TLK2: variants seen among roughly 807,000 people sequenced by gnomAD.
TLK2 encodes serine/threonine-protein kinase tousled-like 2.
Under a neutral mutation model 117.3 loss-of-function variants are expected in TLK2, and 6 were observed. That is an observed-to-expected ratio of 0.05 (90% CI 0.03 to 0.10). The LOEUF (loss-of-function observed/expected upper bound fraction) is 0.10, where lower values mean the gene tolerates loss of function less well. Among genes scored for constraint, TLK2 ranks in the 10% least tolerant of loss-of-function variants. The pLI is 1.00. For synonymous variants in TLK2, 257 were observed against 316.7 expected, an observed-to-expected ratio of 0.81 and a Z score of 2.00; for missense variants, 299 against 901.2, an observed-to-expected ratio of 0.33 and a Z score of 8.56.
intron 8 of TLK2, among the ~76,000 whole-genome samples, chr17:62,553,156 A>T (rs575653124): frequency 6.6e-6 from 1 of 152,276 alleles, no homozygotes; most frequent in African/African-American, 2.4e-5. Flanking sequence ...AGAATTTCTT[A>T]AATCTCAAGA....
chr17:62,591,722 T>C (rs2082096921), intron 16 of TLK2, among the ~76,000 whole-genome samples: 1 of 152,228 alleles, frequency 6.6e-6, no homozygotes, highest in Admixed American at 6.5e-5. Flanking sequence ...TATTTCTCCC[T>C]TTCCCCACTT....
chr17:62,580,745 A>C (rs1011256520), intron 15 of TLK2, among the ~76,000 whole-genome samples: 1 of 152,210 alleles, frequency 6.6e-6, no homozygotes, highest in African/African-American at 2.4e-5. Context: ...AATATGTTTT[A>C]AATATAGCTA....
At chr17:62,510,158 A>G (rs568120716) in intron 2 of TLK2, among the ~76,000 whole-genome samples, 12 of 152,268 alleles carry the variant, frequency 7.9e-5, no homozygotes, top group African/African-American at 2.9e-4. Flanking sequence ...CTGTAATGCC[A>G]ACTACTTGGG....
chr17:62,588,104 T>C (rs1283864588), intron 16 of TLK2, among the ~76,000 whole-genome samples: 3 of 148,158 alleles, frequency 2.0e-5, no homozygotes, highest in Non-Finnish European at 3.0e-5. Flanking sequence ...CATCTGTATA[T>C]GTATAAAATA....
chr17:62,573,869 T>G (rs981129566), intron 12 of TLK2, among the ~76,000 whole-genome samples: 4 of 152,220 alleles, frequency 2.6e-5, no homozygotes, highest in African/African-American at 9.6e-5. Context: ...TCATCAGAAT[T>G]GTTTCCTGTT....
chr17:62,504,073 C>T (rs553742409), intron 2 of TLK2, among the ~76,000 whole-genome samples: 23 of 152,112 alleles, frequency 1.5e-4, no homozygotes, highest in Non-Finnish European at 2.4e-4. Flanking sequence ...AATAATTTGG[C>T]CCCTATGGGT....
At chr17:62,576,957 TTTC>T (rs1166795815) in intron 13 of TLK2, among the ~76,000 whole-genome samples, 182 bp downstream of exon 13, 11 of 119,148 alleles carry the variant, frequency 9.2e-5, no homozygotes, top group Admixed American at 7.9e-4. Context: ...TTCCATTTTC[TTTC>T]TTCTTCTTTT....
intron 1 of TLK2, among the ~76,000 whole-genome samples, chr17:62,480,243 G>C (rs1449354544): frequency 6.6e-6 from 1 of 152,202 alleles, no homozygotes; most frequent in Non-Finnish European, 1.5e-5. Flanking sequence ...TGTTCGAAGG[G>C]GTTCTATGTA....
intron 13 of TLK2, among the ~76,000 whole-genome samples, 191 bp downstream of exon 13, chr17:62,576,966 C>CTTTTT (rs59523807): frequency 8.6e-6 from 1 of 115,950 alleles, no homozygotes; most frequent in Admixed American, 9.6e-5. Context: ...CTTTCTTCTT[C>CTTTTT]TTTTTTTTTT....
rs1265365181 is a variant in TLK2 at position 62,578,683 on chromosome 17, CA to C, written c.1286+110del. The C allele has an allele frequency of 7.3e-6, 6 of 819,138 alleles. No individual in the cohort carries two copies. In the African/African-American group the frequency reaches 1.0e-4, roughly 14 times the overall value. 50.7% of individuals were successfully genotyped at this position (819,138 alleles called of 1,614,324 possible). On this transcript the variant is annotated intron_variant, in intron 14 of 21. Transcript: ENST00000346027. ...TTAATGTAAGTTACATAAATGATTC[CA>C]TGGTGTATTTAGCTCTTTTGTAGCA...
upstream of TLK2, among the ~76,000 whole-genome samples, chr17:62,475,384 G>T (rs2071018702): frequency 6.6e-6 from 1 of 152,068 alleles, no homozygotes; most frequent in Admixed American, 6.6e-5. Context: ...TGCTGTGTTG[G>T]CCAGGTGGAC....
chr17:62,563,733 G>GT (rs918173099), intron 10 of TLK2, among the ~76,000 whole-genome samples: 1 of 152,214 alleles, frequency 6.6e-6, no homozygotes, highest in Non-Finnish European at 1.5e-5. Flanking sequence ...GTGAACACCA[G>GT]TTTTTTTCTA....
At position 62,545,367 on chromosome 17, in the gene TLK2, T is replaced by A. The variant is rs55650110; in HGVS notation, c.532-6935T>A. ...AAATTCTGTGTGTAAACATATTAGC[T>A]AAAGTTAAAAAGGTATCATCCAGTT... On this transcript the variant is annotated intron_variant, in intron 7 of 21. Coordinates refer to ENST00000346027, the MANE Select transcript of TLK2 (RefSeq NM_006852.6). 6.7e-3 allele frequency among the ~76,000 whole-genome samples: 1,014 copies of A among 152,316 alleles called. 11 individuals carry two copies. Among genetic ancestry groups the A allele is most frequent in the African/African-American group, 0.023 (963 of 41,580 alleles).
chr17:62,517,989 C>A (rs939273295), intron 2 of TLK2, among the ~76,000 whole-genome samples: 7 of 152,340 alleles, frequency 4.6e-5, no homozygotes, highest in Admixed American at 2.6e-4. Flanking sequence ...TGAGCCATTG[C>A]GTCCGGCATG....
chr17:62,532,902 A>G (rs2076840612), intron 6 of TLK2, among the ~76,000 whole-genome samples: 2 of 152,212 alleles, frequency 1.3e-5, no homozygotes, highest in Non-Finnish European at 2.9e-5. Context: ...AATTGCTAGA[A>G]GGTTATTAGC....
intron 2 of TLK2, among the ~76,000 whole-genome samples, chr17:62,483,433 G>GT (rs933673900): frequency 6.6e-6 from 1 of 152,194 alleles, no homozygotes; most frequent in Admixed American, 6.5e-5. Flanking sequence ...TAACCTATCT[G>GT]TTTAATAGGA....
chr17:62,526,232 C>A (rs1192733191), intron 6 of TLK2, among the ~76,000 whole-genome samples: 2 of 152,332 alleles, frequency 1.3e-5, no homozygotes, highest in East Asian at 3.9e-4. Flanking sequence ...GAGGAAAACA[C>A]ATACACCAAG....
intron 1 of TLK2, among the ~76,000 whole-genome samples, chr17:62,473,216 C>G (rs538291777): frequency 2.0e-5 from 3 of 152,220 alleles, no homozygotes; most frequent in African/African-American, 7.2e-5. Context: ...AGGGCATAGT[C>G]CAGCCCAAGC....
chr17:62,560,891 T>G (rs1309682607), intron 10 of TLK2, among the ~76,000 whole-genome samples: 1 of 152,134 alleles, frequency 6.6e-6, no homozygotes, highest in African/African-American at 2.4e-5. Context: ...GTTAGTTACA[T>G]ATGTATACAT....
Sources: allele counts gnomAD v4.1 joint callset (sites outside exome capture counted in the v4.1 genomes callset), GRCh38; gene constraint gnomAD v4.1.1; transcripts MANE v1.5; gene names NCBI Gene and HGNC (gene_info 2026-07-23, HGNC 2026-07-21).